Variants in PDE6D observed in about 807,000 individuals in gnomAD.
PDE6D encodes phosphodiesterase 6D.
PDE6D carries 10 observed loss-of-function variants against 21.9 expected under a neutral mutation model. The ratio of observed to expected loss-of-function variants is 0.46; its 90% CI spans 0.28 to 0.78. The LOEUF (loss-of-function observed/expected upper bound fraction) is 0.78, where lower values mean the gene tolerates loss of function less well. Ranked by LOEUF, PDE6D falls within the 30% of genes least tolerant of loss-of-function variation. PDE6D has a pLI of 0.12. For missense variants in PDE6D, 139 were observed against 184.8 expected, an observed-to-expected ratio of 0.75 and a Z score of 1.44; for synonymous variants, 59 against 63.5, an observed-to-expected ratio of 0.93 and a Z score of 0.34.
intron 1 of PDE6D, among the ~76,000 whole-genome samples, chr2:231,762,137 T>C (rs141720860): frequency 2.5e-4 from 38 of 152,288 alleles, no homozygotes; most frequent in Admixed American, 2.0e-3. Context: ...CTGATCCACA[T>C]TGAAAACAAA....
In PDE6D at chr2:231,732,797, C is replaced by G; in HGVS notation, c.*155G>C. The G allele has an allele frequency of 1.6e-6, 1 of 630,820 alleles. No individual in the cohort carries two copies. The highest frequency in any genetic ancestry group is 2.8e-6 in the Non-Finnish European group (1 of 351,278). 39.1% of individuals were successfully genotyped at this position (630,820 alleles called of 1,614,324 possible). On this transcript the variant is annotated 3_prime_UTR_variant, in exon 5 of 5. Coordinates refer to ENST00000287600, the MANE Select transcript of PDE6D (RefSeq NM_002601.4). ...GGAAAAAGAGCCATCTGGTTACCTA[C>G]ACAGAGCTGGTCCCCTGGTGGCTGC...
chr2:231,742,409 C>T (rs936265870), intron 1 of PDE6D, among the ~76,000 whole-genome samples: 1 of 152,184 alleles, frequency 6.6e-6, no homozygotes, highest in African/African-American at 2.4e-5. Context: ...AGGTGTGAGC[C>T]ACCTTGCCCG....
intron 1 of PDE6D, among the ~76,000 whole-genome samples, chr2:231,749,502 CT>C (rs150014433): frequency 0.25 from 31,132 of 122,758 alleles, 3,206 homozygotes; most frequent in Non-Finnish European, 0.29. Context: ...TCAGATGAGA[CT>C]TTTTTTTTTT....
intron 1 of PDE6D, among the ~76,000 whole-genome samples, chr2:231,765,817 A>G (rs916394854): frequency 6.6e-6 from 1 of 151,984 alleles, no homozygotes; most frequent in African/African-American, 2.4e-5. Context: ...CCTGTTCTCT[A>G]TCTTTTCACA....
intron 1 of PDE6D, among the ~76,000 whole-genome samples, chr2:231,780,704 C>A (rs1237274395): frequency 6.6e-6 from 1 of 152,166 alleles, no homozygotes; most frequent in Non-Finnish European, 1.5e-5. Context: ...CAGCCCTTCT[C>A]CGCGGGCCGC....
At position 231,738,049 on chromosome 2, in the gene PDE6D, C is replaced by T; in HGVS notation, c.229G>A (p.Glu77Lys). Residue 77 changes from glutamate to lysine, a missense_variant, in exon 3 of 5, where the codon GAA (glutamate) becomes AAA (lysine). Transcript: ENST00000287600. ...STEQMEKFRL[E>K]QKVYFKGQCL... ...TGCCCTTTGAAGTAAACTTTTTGTT[C>T]CAGGCGGAATTTTTCCATTTGTTCT... 1.9e-6 allele frequency: 3 copies of T among 1,613,984 alleles called. No homozygotes were observed. Among genetic ancestry groups the T allele is most frequent in the Non-Finnish European group, 2.5e-6 (3 of 1,179,912 alleles).
chr2:231,773,065 G>T (rs747968246), intron 1 of PDE6D, among the ~76,000 whole-genome samples: 2 of 151,958 alleles, frequency 1.3e-5, no homozygotes, highest in Admixed American at 6.6e-5. Context: ...TAGTGAAACC[G>T]TTTCTCTACA....
intron 4 of PDE6D, among the ~76,000 whole-genome samples, chr2:231,734,221 AT>A (rs1325765316): frequency 6.6e-6 from 1 of 151,930 alleles, no homozygotes; most frequent in Non-Finnish European, 1.5e-5. Context: ...CTCAAAAAAA[AT>A]AAAAAAAAAT....
Position 231,780,055 on chromosome 2 carries a change from A to G in PDE6D, c.50+1010T>C, listed in dbSNP as rs111259300. 2.7e-3 allele frequency among the ~76,000 whole-genome samples: 406 copies of G among 152,350 alleles called. 2 individuals are homozygous for G. The highest frequency in any genetic ancestry group is 4.1e-3 in the Non-Finnish European group (278 of 68,030). ...GATGCATGAAGAGATTAAAGTTGGC[A>G]GGAGAATGGAAAATTTGAATATCCA... On this transcript the variant is annotated intron_variant, in intron 1 of 4. Transcript: ENST00000287600.
In PDE6D at chr2:231,739,176, G is replaced by A. The variant is rs1434973706; in HGVS notation, c.63C>T (p.Asn21=). ...ILRGFKLNWM[N]LRDAETGKIL... ...TCTTCCCTGTCTCAGCATCCCGAAG[G>A]TTCATCCAATTTCTGATCAAATATG... Residue 21 remains asparagine (N), a synonymous_variant, in exon 2 of 5, where the codon AAC becomes AAT. Transcript: ENST00000287600. The surrounding 1 kb of genome is among the most constrained non-coding windows in gnomAD (Gnocchi z 4.2). 1 of 1,609,434 alleles carries A rather than the reference G, an allele frequency of 6.2e-7. No homozygotes were observed. The highest frequency in any genetic ancestry group is 8.5e-7 in the Non-Finnish European group (1 of 1,175,830).
intron 1 of PDE6D, among the ~76,000 whole-genome samples, chr2:231,746,874 G>T (rs962445869): frequency 6.6e-6 from 1 of 151,114 alleles, no homozygotes; most frequent in Non-Finnish European, 1.5e-5. Context: ...CAGGACAGAA[G>T]GCAACAAAAA....
intron 1 of PDE6D, among the ~76,000 whole-genome samples, chr2:231,752,905 C>A (rs999576798): frequency 2.0e-5 from 3 of 146,886 alleles, no homozygotes; most frequent in African/African-American, 7.6e-5. Context: ...GCAATCTCAG[C>A]TCACTGCAAG....
chr2:231,771,503 A>C (rs1293049460), intron 1 of PDE6D, among the ~76,000 whole-genome samples: 1 of 152,226 alleles, frequency 6.6e-6, no homozygotes, highest in East Asian at 1.9e-4. Context: ...AATATATCAA[A>C]GTTCTTTAAA....
chr2:231,747,990 G>A (rs1320911968), intron 1 of PDE6D, among the ~76,000 whole-genome samples: 1 of 152,176 alleles, frequency 6.6e-6, no homozygotes, highest in Non-Finnish European at 1.5e-5. Context: ...GGAACTGTAA[G>A]TCCAATTAAA....
At chr2:231,733,070 T>C in intron 4 of PDE6D, 37 bp from the exon 5 acceptor site, 1 of 1,355,814 alleles carries the variant, frequency 7.4e-7, no homozygotes, top group South Asian at 1.2e-5. Context: ...CAAAAGAGAG[T>C]GAGCATGTTA....
chr2:231,738,063 T>C lies in PDE6D; in HGVS notation c.215A>G (p.Glu72Gly). The change falls in exon 3 of 5, where the codon GAA becomes GGA. Residue 72 changes from glutamate to glycine, a missense_variant. By Grantham distance (98) the Glu-to-Gly change is moderately conservative. Transcript: ENST00000287600. ...ELNFSSTEQM[E>G]KFRLEQKVYF... Reference sequence around the variant, plus strand: ...AACTTTTTGTTCCAGGCGGAATTTTTCCATTTGTTCTGTCGAAGAAAAATT... The same window carrying C: ...AACTTTTTGTTCCAGGCGGAATTTTCCCATTTGTTCTGTCGAAGAAAAATT... The C allele has an allele frequency of 6.2e-6, 10 of 1,614,144 alleles. No individual in the cohort carries two copies. Among genetic ancestry groups the C allele is most frequent in the Non-Finnish European group, 7.6e-6 (9 of 1,179,960 alleles).
chr2:231,780,288 G>A (rs1251936966), intron 1 of PDE6D, among the ~76,000 whole-genome samples: 1 of 152,186 alleles, frequency 6.6e-6, no homozygotes, highest in Non-Finnish European at 1.5e-5. Context: ...CGCACCGACA[G>A]GAGCGAGCAA....
chr2:231,780,981 C>G, intron 1 of PDE6D, 84 bp downstream of exon 1: 1 of 1,226,014 alleles, frequency 8.2e-7, no homozygotes, highest in South Asian at 1.2e-5. Context: ...GCCCACCTGG[C>G]GCGGCCCCCG....
At chr2:231,766,135 T>C (rs975882733) in intron 1 of PDE6D, among the ~76,000 whole-genome samples, 42 of 152,238 alleles carry the variant, frequency 2.8e-4, no homozygotes, top group Admixed American at 2.4e-3. Context: ...GGTTTCAGTA[T>C]CCTTGAAACA....
Sources: allele counts gnomAD v4.1 joint callset (sites outside exome capture counted in the v4.1 genomes callset), GRCh38; gene constraint gnomAD v4.1.1; non-coding constraint Gnocchi (gnomAD v3.1); transcripts MANE v1.5; gene names NCBI Gene and HGNC (gene_info 2026-07-23, HGNC 2026-07-21).